The following ARL15 variants were observed in gnomAD, a reference collection of about 807,000 sequenced individuals.
The protein encoded by ARL15 is ADP-ribosylation factor-like protein 15.
A neutral mutation model predicts 25.2 loss-of-function variants in ARL15; 19 were observed. That is an observed-to-expected ratio of 0.75 (90% CI 0.53 to 1.10). The LOEUF is 1.10. ARL15 is among the 50% of genes least tolerant of loss of function. The pLI, the probability that ARL15 is intolerant of heterozygous loss-of-function variation, is 0.00. For missense variants in ARL15, 220 were observed against 246.0 expected (o/e 0.89, Z 0.71); for synonymous variants, 94 against 86.8 (o/e 1.08, Z -0.46).
intron 4 of ARL15, among the ~76,000 whole-genome samples, chr5:53,942,700 C>T (rs1191394988): frequency 3.3e-5 from 5 of 152,122 alleles, no homozygotes; most frequent in Admixed American, 6.6e-5. Flanking sequence ...GAGCCGAGAT[C>T]GCGCCACTGC....
chr5:54,034,851 C>CG (rs1026017060), intron 4 of ARL15, among the ~76,000 whole-genome samples: 5 of 149,958 alleles, frequency 3.3e-5, no homozygotes, highest in Non-Finnish European at 7.4e-5. Flanking sequence ...TTTTTAGAGA[C>CG]GGGGGGCGGT....
chr5:54,287,303 G>T (rs560473862), intron 1 of ARL15, among the ~76,000 whole-genome samples: 1 of 151,984 alleles, frequency 6.6e-6, no homozygotes, highest in Non-Finnish European at 1.5e-5. Context: ...ACATACCTGT[G>T]CCAGACAAGT....
At chr5:54,160,018 A>G (rs781406049) in intron 2 of ARL15, among the ~76,000 whole-genome samples, 8 of 152,220 alleles carry the variant, frequency 5.3e-5, no homozygotes, top group Non-Finnish European at 1.0e-4. Flanking sequence ...GAGTGCACGC[A>G]CACAGATACT....
Position 54,284,968 on chromosome 5 carries a change from C to T in ARL15, c.48+25464G>A, listed in dbSNP as rs944509646. Among the ~76,000 whole-genome samples the T allele has an allele frequency of 7.2e-5, 11 of 152,222 alleles. No homozygotes were observed. The East Asian group carries it at 7.7e-4, about 11-fold the overall frequency. On this transcript the variant is annotated intron_variant, in intron 1 of 4. Coordinates refer to ENST00000504924, the MANE Select transcript of ARL15 (RefSeq NM_019087.3). ...TAAATTTTAAATAATTATATTATTT[C>T]CCTATATAGATGCTATATTTGCAAG... is the stretch of plus-strand genomic sequence containing the variant.
In ARL15 at chr5:54,068,475, G is replaced by C. The variant is rs143395021; in HGVS notation, c.462+44727C>G. The stretch of plus-strand genomic sequence containing the variant: ...GTGAACTTTTTGAGGGGGAAGAACT[G>C]AATCTCTTTTCTGTTTCTTTATCTC... On this transcript the variant is annotated intron_variant, in intron 4 of 4. Transcript: ENST00000504924. Among the ~76,000 whole-genome samples the C allele has an allele frequency of 4.2e-3, 641 of 152,296 alleles. 4 individuals are homozygous for C. The highest frequency in any genetic ancestry group is 0.015 in the African/African-American group (612 of 41,546).
chr5:54,302,841 G>C (rs531018695), intron 1 of ARL15, among the ~76,000 whole-genome samples: 1 of 151,942 alleles, frequency 6.6e-6, no homozygotes, highest in Non-Finnish European at 1.5e-5. Flanking sequence ...CGGAAAATGA[G>C]GGTCAACCAG....
chr5:54,013,923 T>G (rs1455953106), intron 4 of ARL15, among the ~76,000 whole-genome samples: 1 of 150,704 alleles, frequency 6.6e-6, no homozygotes, highest in Admixed American at 6.6e-5. Context: ...ACTCCCATCC[T>G]TCCACTAGGC....
intron 1 of ARL15, among the ~76,000 whole-genome samples, chr5:54,229,611 A>C (rs1756614345): frequency 6.6e-6 from 1 of 152,232 alleles, no homozygotes; most frequent in Non-Finnish European, 1.5e-5. Flanking sequence ...CTGCCAAATT[A>C]TGAGCAATTA....
intron 3 of ARL15, among the ~76,000 whole-genome samples, chr5:54,138,302 A>AC (rs1388914093): frequency 1.3e-5 from 2 of 152,122 alleles, no homozygotes; most frequent in African/African-American, 4.8e-5. Context: ...ACATAGTGAG[A>AC]CCCCATCTCT....
At chr5:54,208,727 GC>G (rs1444519956) in intron 1 of ARL15, among the ~76,000 whole-genome samples, 1 of 152,132 alleles carries the variant, frequency 6.6e-6, no homozygotes, top group African/African-American at 2.4e-5. Flanking sequence ...TTTGGAGTAA[GC>G]TAAAGAACAC....
At chr5:54,193,721 C>T (rs1755469918) in intron 1 of ARL15, among the ~76,000 whole-genome samples, 1 of 112,888 alleles carries the variant, frequency 8.9e-6, no homozygotes, top group African/African-American at 3.5e-5. Context: ...ACAATAAAGC[C>T]TTCATTTTTT....
chr5:54,203,705 T>A (rs141667396), intron 1 of ARL15, among the ~76,000 whole-genome samples: 1 of 152,140 alleles, frequency 6.6e-6, no homozygotes, highest in Non-Finnish European at 1.5e-5. Context: ...TTTTTATGTA[T>A]GTGTAGAACC....
chr5:54,287,164 G>A (rs1353621896), intron 1 of ARL15, among the ~76,000 whole-genome samples: 2 of 152,068 alleles, frequency 1.3e-5, no homozygotes, highest in Non-Finnish European at 2.9e-5. Flanking sequence ...GCAGGAATGA[G>A]CCACTGTACC....
At chr5:54,208,329 A>C (rs1755929339) in intron 1 of ARL15, among the ~76,000 whole-genome samples, 1 of 152,144 alleles carries the variant, frequency 6.6e-6, no homozygotes, top group African/African-American at 2.4e-5. Flanking sequence ...TAACACAGGA[A>C]AAAATTTTTT....
At chr5:54,173,575 T>A (rs182918397) in intron 1 of ARL15, among the ~76,000 whole-genome samples, 1 of 152,194 alleles carries the variant, frequency 6.6e-6, no homozygotes, top group Admixed American at 6.5e-5. Flanking sequence ...CTAGTTCATA[T>A]GACCTCTGAA....
chr5:54,027,322 AGTCTT>A (rs1749812236), intron 4 of ARL15, among the ~76,000 whole-genome samples: 2 of 152,368 alleles, frequency 1.3e-5, no homozygotes, highest in Non-Finnish European at 2.9e-5. Context: ...AATTACATCA[AGTCTT>A]GTCTTAACCA....
intron 4 of ARL15, among the ~76,000 whole-genome samples, chr5:53,899,347 C>CAAAAAAAAAA (rs59145507): frequency 2.9e-4 from 26 of 89,372 alleles, no homozygotes; most frequent in African/African-American, 1.4e-3. Flanking sequence ...GACTCTATCC[C>CAAAAAAAAAA]AAAAAAAAAA....
At chr5:54,008,576 G>C (rs940219518) in intron 4 of ARL15, among the ~76,000 whole-genome samples, 3 of 152,146 alleles carry the variant, frequency 2.0e-5, no homozygotes, top group African/African-American at 4.8e-5. Flanking sequence ...CTTTACACTG[G>C]CTTGTTTACT....
At chr5:53,920,083 T>C (rs1745796028) in intron 4 of ARL15, among the ~76,000 whole-genome samples, 1 of 152,180 alleles carries the variant, frequency 6.6e-6, no homozygotes, top group East Asian at 1.9e-4. Context: ...AACTACTTAA[T>C]AGAAAGCTGT....
Sources: gnomAD v4.1 joint callset for allele counts (sites outside exome capture counted in the v4.1 genomes callset) on GRCh38, gnomAD v4.1.1 for gene constraint, MANE v1.5 for transcripts, NCBI Gene and HGNC (gene_info 2026-07-23, HGNC 2026-07-21) for gene names.